Variants in SGIP1 observed in about 807,000 individuals in gnomAD.
SGIP1 encodes the protein SH3GL interacting endocytic adaptor 1.
Under a neutral mutation model 107.5 loss-of-function variants are expected in SGIP1, and 38 were observed. The observed-to-expected ratio is 0.35, with a 90% CI of 0.27 to 0.46. The LOEUF (loss-of-function observed/expected upper bound fraction) is 0.46, where lower values mean the gene tolerates loss of function less well. Among genes scored for constraint, SGIP1 ranks in the 20% least tolerant of loss-of-function variants. The probability of loss-of-function intolerance (pLI) is 1.00; values close to 1 mark genes in which losing one functional copy is unlikely to be tolerated. For synonymous variants in SGIP1, 365 were observed against 366.1 expected (o/e 1.00, Z 0.03); for missense variants, 929 against 1,019.5 (o/e 0.91, Z 1.21).
chr1:66,553,198 T>G (rs866398253), intron 1 of SGIP1, among the ~76,000 whole-genome samples: 4 of 152,076 alleles, frequency 2.6e-5, no homozygotes, highest in African/African-American at 9.7e-5. Context: ...ACCACAACAG[T>G]CAGGCACTGG....
intron 1 of SGIP1, among the ~76,000 whole-genome samples, chr1:66,597,582 A>G (rs1355391050): frequency 1.3e-5 from 2 of 152,208 alleles, no homozygotes; most frequent in Admixed American, 1.3e-4. Context: ...AGTCTATGAC[A>G]GACATCAGAT....
intron 1 of SGIP1, among the ~76,000 whole-genome samples, chr1:66,589,432 C>G (rs1285167792): frequency 6.6e-6 from 1 of 151,358 alleles, no homozygotes; most frequent in African/African-American, 2.4e-5. Context: ...AACAAATTCC[C>G]TAAATACTGG....
intron 17 of SGIP1, 171 bp downstream of exon 17, chr1:66,690,487 G>A: frequency 1.2e-6 from 1 of 822,596 alleles, no homozygotes; most frequent in Middle Eastern, 2.8e-4. Flanking sequence ...GAGGCAAAGT[G>A]CTTTACCTAA....
chr1:66,670,950 C>T (rs764257399), intron 9 of SGIP1, 45 bp from the exon 10 acceptor site: 4 of 954,262 alleles, frequency 4.2e-6, no homozygotes, highest in East Asian at 2.7e-5. Flanking sequence ...TTGTACATAA[C>T]ATATATGTGG....
intron 3 of SGIP1, among the ~76,000 whole-genome samples, chr1:66,634,995 A>G (rs1010923021): frequency 3.3e-5 from 5 of 152,144 alleles, no homozygotes; most frequent in Non-Finnish European, 7.4e-5. Flanking sequence ...TGCTTGGCTG[A>G]TATAGCTTTC....
In SGIP1 at chr1:66,739,350, A is replaced by G. The variant is rs367994546; in HGVS notation, c.2047A>G (p.Ile683Val). 34 of 1,613,948 alleles carry G rather than the reference A, an allele frequency of 2.1e-5. No homozygotes were observed. In the African/African-American group the frequency reaches 3.6e-4, roughly 17 times the overall value. Reference sequence around the variant, plus strand: ...GTTCGGCAAGGTGTCTGCCCAGGGCATTCAGTCCACACCTCTGAACCTGGC... The same window carrying G: ...GTTCGGCAAGGTGTCTGCCCAGGGCGTTCAGTCCACACCTCTGAACCTGGC... Reference protein sequence around the residue: ...MLKYQVSAQGIQSTPLNLAVN... With the variant: ...MLKYQVSAQGVQSTPLNLAVN... Residue 683 changes from isoleucine (I) to valine (V), a missense_variant, in exon 22 of 25, where the codon ATT becomes GTT. Physicochemically the swap from Ile to Val is conservative, Grantham distance 29 (BLOSUM62 3). Transcript: ENST00000371037.
At chr1:66,717,965 T>C (rs2150413937) in intron 18 of SGIP1, among the ~76,000 whole-genome samples, 1 of 152,296 alleles carries the variant, frequency 6.6e-6, no homozygotes, top group Non-Finnish European at 1.5e-5. Flanking sequence ...CCCCAGCACC[T>C]ACCATAATAC....
chr1:66,728,320 A>G (rs1160325208), intron 19 of SGIP1, among the ~76,000 whole-genome samples: 1 of 152,238 alleles, frequency 6.6e-6, no homozygotes, highest in Non-Finnish European at 1.5e-5. Flanking sequence ...CAGAAATCAA[A>G]GTGAGGGAGA....
chr1:66,595,747 G>A (rs1206569147), intron 1 of SGIP1, among the ~76,000 whole-genome samples: 1 of 152,122 alleles, frequency 6.6e-6, no homozygotes, highest in Non-Finnish European at 1.5e-5. Flanking sequence ...GTGATAAAAG[G>A]AATGAAATAC....
At chr1:66,585,085 T>G (rs1435515804) in intron 1 of SGIP1, among the ~76,000 whole-genome samples, 3 of 152,218 alleles carry the variant, frequency 2.0e-5, no homozygotes, top group Non-Finnish European at 4.4e-5. Flanking sequence ...TCCATTATCA[T>G]AATTATTTCT....
chr1:66,641,408 T>C (rs1399652209), intron 5 of SGIP1, among the ~76,000 whole-genome samples: 1 of 152,140 alleles, frequency 6.6e-6, no homozygotes, highest in African/African-American at 2.4e-5. Context: ...ACTGCTTTAT[T>C]AACTCCCAAA....
At chr1:66,630,318 C>T (rs974091006) in intron 2 of SGIP1, among the ~76,000 whole-genome samples, 19 of 152,174 alleles carry the variant, frequency 1.2e-4, no homozygotes, top group Admixed American at 3.9e-4. Flanking sequence ...GGCCAATCTC[C>T]GAGCTTTTGC....
chr1:66,601,605 C>T (rs2065850466), intron 1 of SGIP1, among the ~76,000 whole-genome samples: 1 of 151,936 alleles, frequency 6.6e-6, no homozygotes, highest in South Asian at 2.1e-4. Context: ...GCTAAATGAT[C>T]TAGTCCAGTG....
intron 7 of SGIP1, among the ~76,000 whole-genome samples, chr1:66,651,089 T>G (rs2078665290): frequency 6.6e-6 from 1 of 152,216 alleles, no homozygotes; most frequent in South Asian, 2.1e-4. Context: ...TGCTTAGTAC[T>G]TTGTAAGTAA....
chr1:66,673,453 G>A (rs895588085), intron 12 of SGIP1, 87 bp downstream of exon 12: 1 of 1,191,514 alleles, frequency 8.4e-7, no homozygotes, highest in African/African-American at 1.6e-5. Context: ...GTATTTTGAG[G>A]TATATTTTTA....
chr1:66,733,078 C>G (rs1261192191), intron 20 of SGIP1, among the ~76,000 whole-genome samples: 1 of 152,206 alleles, frequency 6.6e-6, no homozygotes, highest in East Asian at 1.9e-4. Context: ...AGCTAAGACT[C>G]TCATAGGGAT....
At chr1:66,667,182 C>A (rs777747055) in intron 8 of SGIP1, among the ~76,000 whole-genome samples, 6 of 151,950 alleles carry the variant, frequency 3.9e-5, no homozygotes, top group Non-Finnish European at 7.4e-5. Flanking sequence ...TCTAAGTACC[C>A]CCCCCCAAAC....
intron 22 of SGIP1, among the ~76,000 whole-genome samples, chr1:66,740,410 A>C (rs146011539): frequency 1.4e-4 from 21 of 152,348 alleles, no homozygotes; most frequent in Admixed American, 1.3e-4. Flanking sequence ...TATTTTAAAA[A>C]AAATTAATTC....
At chr1:66,710,575 T>C (rs2092847299) in intron 18 of SGIP1, among the ~76,000 whole-genome samples, 1 of 152,164 alleles carries the variant, frequency 6.6e-6, no homozygotes, top group South Asian at 2.1e-4. Context: ...GATACACTTT[T>C]TCCCAAATTA....
Sources: allele counts gnomAD v4.1 joint callset (sites outside exome capture counted in the v4.1 genomes callset), GRCh38; gene constraint gnomAD v4.1.1; transcripts MANE v1.5; gene names NCBI Gene and HGNC (gene_info 2026-07-23, HGNC 2026-07-21).